The following KLF13 variants were observed in gnomAD, a reference collection of about 807,000 sequenced individuals.
KLF13 encodes the protein Krueppel-like factor 13.
Under a neutral mutation model 16.7 loss-of-function variants are expected in KLF13, and 8 were observed. The observed-to-expected ratio is 0.48, with a 90% CI of 0.28 to 0.87. The LOEUF is 0.87. KLF13 is among the 40% of genes least tolerant of loss of function. The pLI, the probability that KLF13 is intolerant of heterozygous loss-of-function variation, is 0.10. For synonymous variants in KLF13, 245 were observed against 208.4 expected (o/e 1.18, Z -1.51); for missense variants, 447 against 452.2 (o/e 0.99, Z 0.10).
At chr15:31,408,914 T>C (rs1456458163), downstream of KLF13, among the ~76,000 whole-genome samples, 1 of 152,128 alleles carries the variant, frequency 6.6e-6, no homozygotes, top group Non-Finnish European at 1.5e-5. Context: ...ATCAGTAGAC[T>C]AGACACAGTG....
At chr15:31,402,913 A>G (rs2140993761) in intron 2 of KLF13, among the ~76,000 whole-genome samples, 1 of 150,420 alleles carries the variant, frequency 6.6e-6, no homozygotes, top group Non-Finnish European at 1.5e-5. Context: ...GGGCAATGGG[A>G]CTCGTGAACT....
At chr15:31,394,258 C>T (rs1439295267) in intron 2 of KLF13, among the ~76,000 whole-genome samples, 3 of 151,928 alleles carry the variant, frequency 2.0e-5, no homozygotes, top group African/African-American at 7.3e-5. Flanking sequence ...AGGCGGATCA[C>T]GAGGTCAGGA....
At chr15:31,380,530 G>T (rs1358846986), downstream of KLF13, among the ~76,000 whole-genome samples, 1 of 152,186 alleles carries the variant, frequency 6.6e-6, no homozygotes, top group Non-Finnish European at 1.5e-5. Flanking sequence ...CTTTCTCCTA[G>T]CCTTGTTGGT....
At chr15:31,382,732 C>G (rs567722129), downstream of KLF13, among the ~76,000 whole-genome samples, 13 of 152,342 alleles carry the variant, frequency 8.5e-5, no homozygotes, top group Admixed American at 4.6e-4. Context: ...CCCTTCAGGG[C>G]CCACCAAGCA....
At chr15:31,408,429 GTCATCCTTA>G (rs2040153529), downstream of KLF13, among the ~76,000 whole-genome samples, 1 of 152,116 alleles carries the variant, frequency 6.6e-6, no homozygotes, top group Non-Finnish European at 1.5e-5. Flanking sequence ...TGCCAACAGT[GTCATCCTTA>G]TGAGAAAGGG....
intron 2 of KLF13, among the ~76,000 whole-genome samples, chr15:31,401,873 C>T (rs1337714221): frequency 1.3e-5 from 2 of 152,174 alleles, no homozygotes; most frequent in Admixed American, 1.3e-4. Context: ...ATTTGTGACC[C>T]AGCCTCAGAA....
Position 31,327,161 on chromosome 15 carries a change from G to A in KLF13, c.-52G>A. On this transcript the variant is annotated 5_prime_UTR_variant, in exon 1 of 2. An upstream start codon of the reference 5' UTR is lost. Coordinates refer to ENST00000307145, the MANE Select transcript of KLF13 (RefSeq NM_015995.4). ...CTCTCCCGAGGCCGTGGGTGCGGAT[G>A]CGCGGCTGACGACTCGCAGCAAGAG... is the stretch of plus-strand genomic sequence containing the variant. 1 of 1,158,272 alleles carries A rather than the reference G, an allele frequency of 8.6e-7. No individual in the cohort carries two copies. Among genetic ancestry groups the A allele is most frequent in the Non-Finnish European group, 1.1e-6 (1 of 936,296 alleles). The allele number at this position is 1,158,272 out of a possible 1,614,324, so 71.7% of individuals were successfully genotyped here. A position where few individuals can be genotyped will look rare whatever the true frequency, so the allele number is the denominator to read the frequency against.
intron 1 of KLF13, among the ~76,000 whole-genome samples, chr15:31,426,792 C>T (rs111332306): frequency 6.6e-6 from 1 of 152,212 alleles, no homozygotes; most frequent in East Asian, 1.9e-4. Flanking sequence ...GATTGGTGTG[C>T]AAGTCAGTGG....
chr15:31,397,460 G>A (rs78773054), intron 2 of KLF13, among the ~76,000 whole-genome samples: 2 of 152,358 alleles, frequency 1.3e-5, no homozygotes, highest in Non-Finnish European at 2.9e-5. Flanking sequence ...TGCAGGCCAA[G>A]AGGTCCAGAC....
intron 1 of KLF13, among the ~76,000 whole-genome samples, chr15:31,336,544 C>G (rs2038933169): frequency 6.6e-6 from 1 of 152,176 alleles, no homozygotes; most frequent in Admixed American, 6.5e-5. Flanking sequence ...TTCTACTTGT[C>G]TTTAACCCTT....
At chr15:31,328,691 C>T (rs1396837618) in intron 1 of KLF13, among the ~76,000 whole-genome samples, 1 of 152,222 alleles carries the variant, frequency 6.6e-6, no homozygotes, top group Non-Finnish European at 1.5e-5. Context: ...GGCAACAGTT[C>T]CCACGCGCGG....
At chr15:31,392,388 G>T (rs2039883978), upstream of KLF13, among the ~76,000 whole-genome samples, 1 of 152,188 alleles carries the variant, frequency 6.6e-6, no homozygotes, top group Admixed American at 6.5e-5. Flanking sequence ...GTCACGGGTC[G>T]CGGGGACGGG....
chr15:31,328,176 C>T (rs934713505), intron 1 of KLF13, among the ~76,000 whole-genome samples: 3 of 150,268 alleles, frequency 2.0e-5, no homozygotes, highest in African/African-American at 7.3e-5. Flanking sequence ...GTGGGGCGCC[C>T]GGAGCGGGGG....
At chr15:31,384,325 A>T (rs1448698388) in intron 1 of KLF13, among the ~76,000 whole-genome samples, 1 of 151,634 alleles carries the variant, frequency 6.6e-6, no homozygotes, top group Non-Finnish European at 1.5e-5. Flanking sequence ...CCAGCTACTC[A>T]GGAGGCTGAG....
chr15:31,341,450 G>A (rs2039020267), intron 1 of KLF13, among the ~76,000 whole-genome samples: 1 of 151,386 alleles, frequency 6.6e-6, no homozygotes, highest in African/African-American at 2.4e-5. Flanking sequence ...GAACAGACAG[G>A]TTTGCTGTCT....
rs555554508 is a variant in KLF13, at chr15:31,356,188, G to A, written c.578-15822G>A. Among the ~76,000 whole-genome samples, 117 of 152,208 alleles carry A rather than the reference G, an allele frequency of 7.7e-4. 2 individuals are homozygous for A. Among genetic ancestry groups the A allele is most frequent in the Middle Eastern group, 6.8e-3 (2 of 294 alleles). On this transcript the variant is annotated intron_variant, in intron 1 of 1. Coordinates refer to ENST00000307145, the MANE Select transcript of KLF13 (RefSeq NM_015995.4). ...CAGTCTTTCACCCTCCTCCCTCCCC[G>A]CTCAAGTAGGACCTGGTGTCTGCTG...
In KLF13 at chr15:31,374,818, G is replaced by T. The variant is rs1452304243; in HGVS notation, c.*2519G>T. The T allele has an allele frequency of 7.6e-6, 1 of 130,880 alleles. No individual in the cohort carries two copies. Among genetic ancestry groups the T allele is most frequent in the Non-Finnish European group, 1.6e-5 (1 of 63,558 alleles). 8.1% of individuals were successfully genotyped at this position (130,880 alleles called of 1,614,324 possible). ...TAGGACTCTAAACCTAGTCATCTTG[G>T]AATAAAAAGAAGAGCTGGTTTGTTT... On this transcript the variant is annotated 3_prime_UTR_variant, in exon 2 of 2. Coordinates refer to ENST00000307145, the MANE Select transcript of KLF13 (RefSeq NM_015995.4).
In KLF13 at chr15:31,372,489, A is replaced by G. The variant is rs2039571093; in HGVS notation, c.*190A>G. ...AAAATTTCAAAAAACACCACCCACC[A>G]AATTGCACAATAGATACACCCACAA... On this transcript the variant is annotated 3_prime_UTR_variant, in exon 2 of 2. Coordinates refer to ENST00000307145, the MANE Select transcript of KLF13 (RefSeq NM_015995.4). 4.8e-6 allele frequency: 3 copies of G among 621,658 alleles called. No individual in the cohort carries two copies. The highest frequency in any genetic ancestry group is 6.8e-5 in the Admixed American group (2 of 29,220). 38.5% of individuals were successfully genotyped at this position (621,658 alleles called of 1,614,324 possible).
downstream of KLF13, among the ~76,000 whole-genome samples, chr15:31,405,536 AC>A (rs2040115916): frequency 6.6e-6 from 1 of 152,224 alleles, no homozygotes; most frequent in South Asian, 2.1e-4. Flanking sequence ...TTCTATTGTA[AC>A]AACCTGAACT....
Sources: gnomAD v4.1 joint callset for allele counts (sites outside exome capture counted in the v4.1 genomes callset) on GRCh38, gnomAD v4.1.1 for gene constraint, MANE v1.5 for transcripts, NCBI Gene and HGNC (gene_info 2026-07-23, HGNC 2026-07-21) for gene names.